Variants in PSME3IP1 observed in about 807,000 individuals in gnomAD.
PSME3IP1 encodes PSME3-interacting protein.
Under a neutral mutation model 34.1 loss-of-function variants are expected in PSME3IP1, and 13 were observed. The ratio of observed to expected loss-of-function variants is 0.38; its 90% CI spans 0.25 to 0.61. PSME3IP1 has a LOEUF of 0.61. Ranked by LOEUF, PSME3IP1 falls within the 20% of genes least tolerant of loss-of-function variation. The probability of loss-of-function intolerance (pLI) is 0.60; values close to 1 mark genes in which losing one functional copy is unlikely to be tolerated. For missense variants in PSME3IP1, 237 were observed against 301.4 expected (o/e 0.79, Z 1.58); for synonymous variants, 93 against 114.3 (o/e 0.81, Z 1.19).
Position 57,154,378 on chromosome 16 carries a change from G to C in PSME3IP1, c.677C>G (p.Ser226Cys). The change falls in exon 7 of 7, where the codon TCC becomes TGC. Residue 226 changes from serine (S) to cysteine (C), a missense_variant. Ser to Cys is a moderately radical substitution (Grantham distance 112). Transcript: ENST00000309137. The surrounding 1 kb of genome is among the most constrained non-coding windows in gnomAD (Gnocchi z 4.0). ...GATGGTGCCTTCGCTGTCTGAGCTGGACTCGGAGTCGCTGCTCCCAGAGTA... is the reference window on the plus strand; with the variant it reads ...GATGGTGCCTTCGCTGTCTGAGCTGCACTCGGAGTCGCTGCTCCCAGAGTA... ...GAYSGSSDSESSSDSEGTINA... is the reference protein window; with the variant it reads ...GAYSGSSDSECSSDSEGTINA... 6.2e-7 allele frequency: 1 copy of C among 1,614,106 alleles called. No homozygotes were observed.
At chr16:57,165,813 C>T (rs1025553324) in intron 5 of PSME3IP1, among the ~76,000 whole-genome samples, 4 of 152,206 alleles carry the variant, frequency 2.6e-5, no homozygotes, top group Admixed American at 6.5e-5. Flanking sequence ...TCACCAAATA[C>T]GCTACTACAG....
Position 57,154,522 on chromosome 16 carries a change from G to A in PSME3IP1, c.548-15C>T, listed in dbSNP as rs2070290648. The A allele has an allele frequency of 1.3e-6, 2 of 1,583,478 alleles. No homozygotes were observed. Among genetic ancestry groups the A allele is most frequent in the East Asian group, 4.5e-5 (2 of 44,392 alleles). On this transcript the variant is annotated splice_polypyrimidine_tract_variant and intron_variant, in intron 6 of 6. Transcript: ENST00000309137. The surrounding 1 kb of genome is among the most constrained non-coding windows in gnomAD (Gnocchi z 4.0). ...GGATGAGGGCTCTGCAATAAAAGGGGAAAGACTGTCACTTCATCACCCTTT... is the reference window on the plus strand; with the variant it reads ...GGATGAGGGCTCTGCAATAAAAGGGAAAAGACTGTCACTTCATCACCCTTT...
chr16:57,157,122 A>G (rs1480927223), intron 6 of PSME3IP1, among the ~76,000 whole-genome samples: 3 of 152,136 alleles, frequency 2.0e-5, no homozygotes, highest in Non-Finnish European at 4.4e-5. Context: ...AGCCTGAACA[A>G]CACAGGGAGA....
At chr16:57,178,665 A>G (rs1415933669) in intron 1 of PSME3IP1, 14 of 985,188 alleles carry the variant, frequency 1.4e-5, no homozygotes, top group Non-Finnish European at 1.7e-5. Context: ...ACGCCATACA[A>G]TTTGTGCAGT....
At position 57,164,092 on chromosome 16, in the gene PSME3IP1, G is replaced by A. The variant is rs748656188; in HGVS notation, c.483-27C>T. On this transcript the variant is annotated intron_variant, in intron 5 of 6. Transcript: ENST00000309137. ...TGTAACAAAACACATGGTGACTTGA[G>A]CCATGTCCAATCTTGTGGATCAAAG... The A allele has an allele frequency of 4.4e-6, 7 of 1,607,096 alleles. No individual in the cohort carries two copies. The African/African-American group carries it at 8.0e-5, about 18-fold the overall frequency.
At chr16:57,175,973 A>T (rs1433238465) in intron 1 of PSME3IP1, among the ~76,000 whole-genome samples, 1 of 152,218 alleles carries the variant, frequency 6.6e-6, no homozygotes, top group Non-Finnish European at 1.5e-5. Flanking sequence ...GAATTGTGAA[A>T]ATTACTAGAA....
At chr16:57,171,012 G>A (rs1048367166) in intron 4 of PSME3IP1, among the ~76,000 whole-genome samples, 11 of 152,160 alleles carry the variant, frequency 7.2e-5, no homozygotes, top group African/African-American at 2.4e-4. Context: ...GGCGGAGGTT[G>A]CAGTGAGACG....
intron 6 of PSME3IP1, among the ~76,000 whole-genome samples, chr16:57,156,617 G>A (rs1469540282): frequency 2.0e-5 from 3 of 152,100 alleles, no homozygotes; most frequent in African/African-American, 7.2e-5. Context: ...TACAGAGATA[G>A]AGCAAGGCTA....
In PSME3IP1 at chr16:57,157,047, C is replaced by A. The variant is rs559379380; in HGVS notation, c.548-2540G>T. Among the ~76,000 whole-genome samples the A allele has an allele frequency of 8.5e-5, 13 of 152,256 alleles. No homozygotes were observed. The East Asian group carries it at 2.5e-3, about 29-fold the overall frequency. Reference sequence around the variant, plus strand: ...AAGTAGCTGAGCATAATGGCTCATGCCTGTAATCCCAGCACTTTGGGAGGC... The same window carrying A: ...AAGTAGCTGAGCATAATGGCTCATGACTGTAATCCCAGCACTTTGGGAGGC... On this transcript the variant is annotated intron_variant, in intron 6 of 6. Transcript: ENST00000309137.
At chr16:57,182,706 T>TC (rs1893541817) in intron 1 of PSME3IP1, among the ~76,000 whole-genome samples, 1 of 149,888 alleles carries the variant, frequency 6.7e-6, no homozygotes, top group African/African-American at 2.5e-5. Flanking sequence ...GGTCAGAAGT[T>TC]CGAGACCAGC....
intron 1 of PSME3IP1, among the ~76,000 whole-genome samples, chr16:57,181,070 A>G (rs1477126085): frequency 1.3e-5 from 2 of 152,192 alleles, no homozygotes; most frequent in Non-Finnish European, 2.9e-5. Context: ...GAAGTTAAAA[A>G]AAAAGTATTG....
rs986034221 is a variant in PSME3IP1, at chr16:57,176,006, C to T, written c.-15-2137G>A. ...GAAAGAAATGAAATCAACTGACAGA[C>T]GCTGTTGCTCCCACCTAAAGCCCAC... On this transcript the variant is annotated intron_variant, in intron 1 of 6. Coordinates refer to ENST00000309137, the MANE Select transcript of PSME3IP1 (RefSeq NM_024946.4). 3.3e-5 allele frequency among the ~76,000 whole-genome samples: 5 copies of T among 152,300 alleles called. No individual in the cohort carries two copies. The East Asian group carries it at 7.7e-4, about 23-fold the overall frequency.
intron 1 of PSME3IP1, among the ~76,000 whole-genome samples, chr16:57,182,622 T>A (rs2073835688): frequency 6.7e-6 from 1 of 148,236 alleles, no homozygotes; most frequent in Non-Finnish European, 1.5e-5. Context: ...ATTTTTTTTT[T>A]TTTTTTTTTT....
intron 4 of PSME3IP1, among the ~76,000 whole-genome samples, chr16:57,172,018 G>A (rs2072641425): frequency 6.6e-6 from 1 of 152,212 alleles, no homozygotes; most frequent in African/African-American, 2.4e-5. Context: ...TAGGATTGAT[G>A]CCTTGAGTTA....
chr16:57,166,527 A>G (rs575228365), intron 5 of PSME3IP1, among the ~76,000 whole-genome samples: 2 of 152,198 alleles, frequency 1.3e-5, no homozygotes, highest in Non-Finnish European at 2.9e-5. Flanking sequence ...TGTCCTACCT[A>G]ATCAGCATCT....
rs2145339739 is a variant in PSME3IP1, at chr16:57,154,248, A to G, written c.*42T>C. On this transcript the variant is annotated 3_prime_UTR_variant, in exon 7 of 7. Coordinates refer to ENST00000309137, the MANE Select transcript of PSME3IP1 (RefSeq NM_024946.4). This position sits in a 1 kb window ranked among gnomAD's most constrained non-coding sequence, Gnocchi z 4.0. ...GCCTATAGGCAGCATGAACGGTCCG[A>G]TCTACCCTTGGGGAGGAGCTCCCTG... is the stretch of plus-strand genomic sequence containing the variant. 6.3e-7 allele frequency: 1 copy of G among 1,586,966 alleles called. No homozygotes were observed. The highest frequency in any genetic ancestry group is 8.6e-7 in the Non-Finnish European group (1 of 1,156,230).
At chr16:57,165,446 T>C (rs1160413035) in intron 5 of PSME3IP1, among the ~76,000 whole-genome samples, 1 of 152,124 alleles carries the variant, frequency 6.6e-6, no homozygotes, top group African/African-American at 2.4e-5. Flanking sequence ...TTTCTAACAA[T>C]AAATAAAAGA....
intron 6 of PSME3IP1, among the ~76,000 whole-genome samples, chr16:57,161,686 G>T (rs1465572383): frequency 6.6e-6 from 1 of 151,526 alleles, no homozygotes; most frequent in Non-Finnish European, 1.5e-5. Flanking sequence ...CTAATTTTTT[G>T]TATTTTTAGT....
rs1380692286 is a variant in PSME3IP1 at position 57,154,412 on chromosome 16, G to C, written c.643C>G (p.Leu215Val). The change falls in exon 7 of 7, where the codon CTG becomes GTG. Residue 215 changes from leucine (L) to valine (V), a missense_variant. Physicochemically the swap from Leu to Val is conservative, Grantham distance 32. Transcript: ENST00000309137. The surrounding 1 kb of genome is among the most constrained non-coding windows in gnomAD (Gnocchi z 4.0). ...TCGCTGCTCCCAGAGTAGGCACCCA[G>C]GCCTGGGAGGATGCCGATACATACT... is the stretch of plus-strand genomic sequence containing the variant. ...AAVCIGILPG[L>V]GAYSGSSDSE... 4 of 1,614,008 alleles carry C rather than the reference G, an allele frequency of 2.5e-6. No individual in the cohort carries two copies. Among genetic ancestry groups the C allele is most frequent in the Non-Finnish European group, 3.4e-6 (4 of 1,180,028 alleles).
Sources: gnomAD v4.1 joint callset for allele counts (sites outside exome capture counted in the v4.1 genomes callset) on GRCh38, gnomAD v4.1.1 for gene constraint, Gnocchi (gnomAD v3.1) non-coding constraint, MANE v1.5 for transcripts, NCBI Gene and HGNC (gene_info 2026-07-23, HGNC 2026-07-21) for gene names.